Variants in MAGI3 observed in about 807,000 individuals in gnomAD.
MAGI3 encodes membrane associated guanylate kinase, WW and PDZ domain containing 3.
A neutral mutation model predicts 121.8 loss-of-function variants in MAGI3; 43 were observed. The ratio of observed to expected loss-of-function variants is 0.35; its 90% CI spans 0.28 to 0.46. MAGI3 has a LOEUF of 0.46. Ranked by LOEUF, MAGI3 falls within the 20% of genes least tolerant of loss-of-function variation. The pLI is 1.00. For synonymous variants in MAGI3, 553 were observed against 639.3 expected (o/e 0.86, Z 2.04); for missense variants, 1,547 against 1,797.3 (o/e 0.86, Z 2.52).
intron 9 of MAGI3, among the ~76,000 whole-genome samples, chr1:113,639,393 T>G (rs1406596829): frequency 1.3e-5 from 2 of 152,140 alleles, no homozygotes; most frequent in African/African-American, 4.8e-5. Context: ...CCTGTTTAGT[T>G]TTTTTGTTTG....
At chr1:113,523,909 G>T (rs1658324363) in intron 1 of MAGI3, among the ~76,000 whole-genome samples, 1 of 152,122 alleles carries the variant, frequency 6.6e-6, no homozygotes, top group Admixed American at 6.6e-5. Flanking sequence ...CAGGCCTGGA[G>T]ACCGAGGAGG....
At chr1:113,522,724 C>G (rs1215267218) in intron 1 of MAGI3, among the ~76,000 whole-genome samples, 1 of 152,068 alleles carries the variant, frequency 6.6e-6, no homozygotes, top group Non-Finnish European at 1.5e-5. Flanking sequence ...TCCACATACC[C>G]TTTGCTTGAA....
At chr1:113,467,044 T>G (rs987288668) in intron 1 of MAGI3, among the ~76,000 whole-genome samples, 1 of 152,108 alleles carries the variant, frequency 6.6e-6, no homozygotes. Context: ...GTTGTTTATT[T>G]GAAGTCTTTC....
chr1:113,623,143 T>A, intron 9 of MAGI3, 149 bp downstream of exon 9: 1 of 581,202 alleles, frequency 1.7e-6, no homozygotes, highest in Non-Finnish European at 2.6e-6. Flanking sequence ...ATACTTTAAT[T>A]TAAAAAAAAG....
At chr1:113,542,175 G>A (rs532562168) in intron 1 of MAGI3, among the ~76,000 whole-genome samples, 2 of 152,036 alleles carry the variant, frequency 1.3e-5, no homozygotes, top group African/African-American at 4.8e-5. Flanking sequence ...ACCATGGATT[G>A]TACCAGATCC....
intron 2 of MAGI3, among the ~76,000 whole-genome samples, chr1:113,559,328 A>T (rs1015611116): frequency 1.3e-5 from 2 of 152,258 alleles, no homozygotes; most frequent in Non-Finnish European, 2.9e-5. Context: ...GCAAAGACAC[A>T]CATAGGCTCA....
intron 9 of MAGI3, among the ~76,000 whole-genome samples, chr1:113,624,067 A>C (rs138008060): frequency 6.6e-6 from 1 of 152,270 alleles, no homozygotes; most frequent in East Asian, 1.9e-4. Context: ...ATAGTACTCC[A>C]TTGTGTATAT....
intron 16 of MAGI3, among the ~76,000 whole-genome samples, chr1:113,663,243 T>TATAC (rs146154956): frequency 6.7e-6 from 1 of 149,972 alleles, no homozygotes; most frequent in Admixed American, 6.6e-5. Context: ...GAAATATATA[T>TATAC]ATATATATAT....
At chr1:113,646,715 C>T in intron 12 of MAGI3, 73 bp downstream of exon 12, 3 of 1,176,634 alleles carry the variant, frequency 2.5e-6, no homozygotes, top group Non-Finnish European at 3.4e-6. Flanking sequence ...CTAGGACCTT[C>T]CCATCTTTCA....
intron 1 of MAGI3, among the ~76,000 whole-genome samples, chr1:113,545,512 G>A (rs981406775): frequency 1.3e-5 from 2 of 152,190 alleles, no homozygotes; most frequent in Admixed American, 6.5e-5. Flanking sequence ...TGCCATGCCC[G>A]CATGCCCAGC....
At chr1:113,528,930 TG>T (rs1358713466) in intron 1 of MAGI3, among the ~76,000 whole-genome samples, 1 of 152,226 alleles carries the variant, frequency 6.6e-6, no homozygotes, top group Non-Finnish European at 1.5e-5. Flanking sequence ...AAATATTTTT[TG>T]TTCTCATGTG....
intron 1 of MAGI3, among the ~76,000 whole-genome samples, chr1:113,511,876 A>C (rs1657631107): frequency 6.6e-6 from 1 of 152,238 alleles, no homozygotes; most frequent in African/African-American, 2.4e-5. Flanking sequence ...GAGTTAATGA[A>C]GGAAAAAGTC....
At chr1:113,599,912 T>C (rs976774331) in intron 6 of MAGI3, among the ~76,000 whole-genome samples, 4 of 152,010 alleles carry the variant, frequency 2.6e-5, no homozygotes, top group African/African-American at 9.7e-5. Context: ...CAAGGCTGGT[T>C]CAATATACGC....
intron 1 of MAGI3, among the ~76,000 whole-genome samples, chr1:113,480,466 G>A (rs1346715424): frequency 6.6e-6 from 1 of 152,188 alleles, no homozygotes; most frequent in Non-Finnish European, 1.5e-5. Context: ...AATGGCCCTG[G>A]AATCTGGGTC....
chr1:113,663,768 C>G (rs1329413933), intron 16 of MAGI3, among the ~76,000 whole-genome samples: 1 of 152,074 alleles, frequency 6.6e-6, no homozygotes, highest in Non-Finnish European at 1.5e-5. Flanking sequence ...TTTTGAAGAA[C>G]TTCAAAACTG....
At chr1:113,495,043 T>G (rs1252151346) in intron 1 of MAGI3, among the ~76,000 whole-genome samples, 1 of 152,190 alleles carries the variant, frequency 6.6e-6, no homozygotes, top group African/African-American at 2.4e-5. Flanking sequence ...CCCTAATTTT[T>G]GTAGGTTTTC....
intron 18 of MAGI3, 55 bp downstream of exon 18, chr1:113,672,796 G>A (rs1647640876): frequency 6.5e-7 from 1 of 1,547,268 alleles, no homozygotes; most frequent in South Asian, 1.2e-5. Context: ...CATACCACTG[G>A]CATTGGTGAA....
At chr1:113,613,176 A>G (rs1446494105) in intron 6 of MAGI3, among the ~76,000 whole-genome samples, 1 of 152,214 alleles carries the variant, frequency 6.6e-6, no homozygotes, top group Non-Finnish European at 1.5e-5. Flanking sequence ...GGAGGATTAA[A>G]GTGAACTAAA....
At chr1:113,487,775 T>G (rs1490848814) in intron 1 of MAGI3, among the ~76,000 whole-genome samples, 2 of 152,094 alleles carry the variant, frequency 1.3e-5, no homozygotes, top group African/African-American at 4.8e-5. Context: ...TTTTCTATAT[T>G]GTGTGCATGC....
Sources: allele counts gnomAD v4.1 joint callset (sites outside exome capture counted in the v4.1 genomes callset), GRCh38; gene constraint gnomAD v4.1.1; transcripts MANE v1.5; gene names NCBI Gene and HGNC (gene_info 2026-07-23, HGNC 2026-07-21).